The following RFX2 variants were observed in gnomAD, a reference collection of about 807,000 sequenced individuals.
The protein encoded by RFX2 is DNA-binding protein RFX2.
Under a neutral mutation model 87.8 loss-of-function variants are expected in RFX2, and 20 were observed. The ratio of observed to expected loss-of-function variants is 0.23; its 90% CI spans 0.16 to 0.33. The LOEUF is 0.33. Among genes scored for constraint, RFX2 ranks in the 10% least tolerant of loss-of-function variants. RFX2 has a pLI of 1.00. For missense variants in RFX2, 767 were observed against 1,012.3 expected (o/e 0.76, Z 3.29); for synonymous variants, 397 against 431.3 (o/e 0.92, Z 0.98).
In RFX2 at chr19:6,050,481, G is replaced by A. The variant is rs77514081; in HGVS notation, c.-8-2977C>T. ...ACTTAAAGGAAGTTATATACATAAT[G>A]AATGAACATATGGGAATCTCAATCA... On this transcript the variant is annotated intron_variant, in intron 1 of 17. Transcript: ENST00000303657. This position sits in a 1 kb window ranked among gnomAD's most constrained non-coding sequence, Gnocchi z 4.6. Among the ~76,000 whole-genome samples the A allele has an allele frequency of 0.022, 3,285 of 152,258 alleles. 119 individuals carry two copies. The highest frequency in any genetic ancestry group is 0.075 in the African/African-American group (3,107 of 41,550).
At position 6,023,802 on chromosome 19, in the gene RFX2, T is replaced by C. The variant is rs2086851677; in HGVS notation, c.597+2361A>G. 6.6e-6 allele frequency among the ~76,000 whole-genome samples: 1 copy of C among 151,798 alleles called. No individual in the cohort carries two copies. Among genetic ancestry groups the C allele is most frequent in the South Asian group, 2.1e-4 (1 of 4,812 alleles). ...CATTTTTTCTTTTTTTTTTTTGAGATGGAGTCTCGCTCTGTCTCCCAGGCT... is the reference window on the plus strand; with the variant it reads ...CATTTTTTCTTTTTTTTTTTTGAGACGGAGTCTCGCTCTGTCTCCCAGGCT... On this transcript the variant is annotated intron_variant, in intron 6 of 17. Transcript: ENST00000303657. The surrounding 1 kb of genome is among the most constrained non-coding windows in gnomAD (Gnocchi z 4.9).
rs79150387 is a variant in RFX2 at position 6,083,562 on chromosome 19, T to A, written c.-9+26831A>T. Among the ~76,000 whole-genome samples the A allele has an allele frequency of 8.7e-5, 13 of 148,956 alleles. No individual in the cohort carries two copies. Among genetic ancestry groups the A allele is most frequent in the East Asian group, 2.0e-4 (1 of 5,048 alleles). On this transcript the variant is annotated intron_variant, in intron 1 of 17. Transcript: ENST00000303657. This position sits in a 1 kb window ranked among gnomAD's most constrained non-coding sequence, Gnocchi z 4.6. The stretch of plus-strand genomic sequence containing the variant: ...TCTGCTGACCCGTTTTTTTTTTTTT[T>A]AATTTTTATTCATTTATTTATTTAT...
chr19:6,107,815 G>A (rs1446252286), intron 1 of RFX2, among the ~76,000 whole-genome samples: 3 of 151,998 alleles, frequency 2.0e-5, no homozygotes, highest in Non-Finnish European at 4.4e-5. Context: ...ACCATCCTTA[G>A]CAGTACTTCA....
In RFX2 at chr19:6,063,154, C is replaced by T. The variant is rs1486803560; in HGVS notation, c.-8-15650G>A. On this transcript the variant is annotated intron_variant, in intron 1 of 17. Transcript: ENST00000303657. This position sits in a 1 kb window ranked among gnomAD's most constrained non-coding sequence, Gnocchi z 4.0. ...GTTTGAAACTCTCCCCTGGCGCCTG[C>T]TCTGTGGGGAAAGCCGGGCTTCCTC... 6.6e-6 allele frequency among the ~76,000 whole-genome samples: 1 copy of T among 152,162 alleles called. No individual in the cohort carries two copies. The highest frequency in any genetic ancestry group is 2.4e-5 in the African/African-American group (1 of 41,432).
At position 6,051,919 on chromosome 19, in the gene RFX2, C is replaced by T. The variant is rs575468785; in HGVS notation, c.-8-4415G>A. On this transcript the variant is annotated intron_variant, in intron 1 of 17. Transcript: ENST00000303657. The stretch of plus-strand genomic sequence containing the variant: ...TTGAGATGGAGTCTCGCTCTGTTGC[C>T]CAGGCTGGAGTGCAGTGCCACAGTC... 4.3e-4 allele frequency among the ~76,000 whole-genome samples: 65 copies of T among 152,062 alleles called. 1 individual carries two copies. The South Asian group carries it at 0.013, about 30-fold the overall frequency.
rs1329257184 is a variant in RFX2, at chr19:6,023,976, C to T, written c.597+2187G>A. 6.6e-6 allele frequency among the ~76,000 whole-genome samples: 1 copy of T among 152,108 alleles called. No individual in the cohort carries two copies. Among genetic ancestry groups the T allele is most frequent in the Admixed American group, 6.5e-5 (1 of 15,276 alleles). On this transcript the variant is annotated intron_variant, in intron 6 of 17. Coordinates refer to ENST00000303657, the MANE Select transcript of RFX2 (RefSeq NM_000635.4). This position sits in a 1 kb window ranked among gnomAD's most constrained non-coding sequence, Gnocchi z 4.9. ...TGTATTTTTGGTAGAGATGGGGTTTCGTCATGTTGGTCAGGCTGGTCTGGA... is the reference window on the plus strand; with the variant it reads ...TGTATTTTTGGTAGAGATGGGGTTTTGTCATGTTGGTCAGGCTGGTCTGGA...
rs1435971617 is a variant in RFX2, at chr19:6,093,667, AG to A, written c.-9+16725del. Among the ~76,000 whole-genome samples, 23 of 152,152 alleles carry A rather than the reference AG, an allele frequency of 1.5e-4. 1 individual carries two copies. The highest frequency in any genetic ancestry group is 1.2e-3 in the Admixed American group (18 of 15,272). ...TAAGGAAAGATACAGGCTAAATATT[AG>A]GTAAAAGAGCAGGTGGCAGAAAAGT... On this transcript the variant is annotated intron_variant, in intron 1 of 17. Transcript: ENST00000303657.
chr19:6,032,396 C>T (rs561928054), intron 5 of RFX2, among the ~76,000 whole-genome samples: 6 of 152,300 alleles, frequency 3.9e-5, no homozygotes, highest in African/African-American at 1.4e-4. Context: ...TCCCAAAGTG[C>T]TGGGATTACA....
chr19:5,999,666 G>A lies in RFX2; in HGVS notation c.1859+2149C>T, dbSNP rs1384482031. On this transcript the variant is annotated intron_variant, in intron 15 of 17. Coordinates refer to ENST00000303657, the MANE Select transcript of RFX2 (RefSeq NM_000635.4). This position sits in a 1 kb window ranked among gnomAD's most constrained non-coding sequence, Gnocchi z 4.1. ...AAACAGAAGTGAGGTCCCGGCACTC[G>A]GGTAGCGTGCCTGATCATGCAGGAG... is the stretch of plus-strand genomic sequence containing the variant. Among the ~76,000 whole-genome samples the A allele has an allele frequency of 1.3e-5, 2 of 152,114 alleles. No homozygotes were observed. The highest frequency in any genetic ancestry group is 1.3e-4 in the Admixed American group (2 of 15,266).
At chr19:5,995,735 G>T in intron 16 of RFX2, 92 bp from the exon 17 acceptor site, 1 of 1,110,740 alleles carries the variant, frequency 9.0e-7, no homozygotes, top group Non-Finnish European at 1.3e-6. Flanking sequence ...CTTGCCTTGA[G>T]CCACGTCCTC....
At chr19:6,070,733 G>T (rs2087595426) in intron 1 of RFX2, among the ~76,000 whole-genome samples, 1 of 152,142 alleles carries the variant, frequency 6.6e-6, no homozygotes, top group African/African-American at 2.4e-5. Context: ...ACAGGGTCTT[G>T]CTCTGTCACC....
intron 16 of RFX2, among the ~76,000 whole-genome samples, chr19:5,996,821 A>G (rs945581847): frequency 6.6e-6 from 1 of 152,282 alleles, no homozygotes; most frequent in Non-Finnish European, 1.5e-5. Flanking sequence ...GAACTTGGAC[A>G]GAGCCCCAAA....
rs150725902 is a variant in RFX2 at position 6,088,667 on chromosome 19, A to G, written c.-9+21726T>C. 5.9e-5 allele frequency among the ~76,000 whole-genome samples: 9 copies of G among 152,324 alleles called. No individual in the cohort carries two copies. In the East Asian group the frequency reaches 1.7e-3, roughly 29 times the overall value. On this transcript the variant is annotated intron_variant, in intron 1 of 17. Coordinates refer to ENST00000303657, the MANE Select transcript of RFX2 (RefSeq NM_000635.4). The stretch of plus-strand genomic sequence containing the variant: ...CCTCTCTCTCTTAGAGAAAGCAAAA[A>G]TATGTTAAACACCATTGAAGAGCCT...
At chr19:6,098,643 C>T (rs980173880) in intron 1 of RFX2, among the ~76,000 whole-genome samples, 1 of 151,590 alleles carries the variant, frequency 6.6e-6, no homozygotes, top group Non-Finnish European at 1.5e-5. Context: ...TTAACACCCA[C>T]GAGAGACTTT....
In RFX2 at chr19:6,100,491, G is replaced by A. The variant is rs552170594; in HGVS notation, c.-9+9902C>T. Among the ~76,000 whole-genome samples the A allele has an allele frequency of 4.3e-4, 66 of 152,284 alleles. 1 individual carries two copies. Among genetic ancestry groups the A allele is most frequent in the African/African-American group, 1.5e-3 (63 of 41,554 alleles). ...AAGTGATTAGGCAGGAGGCTTTGGC[G>A]GCGACCGGAAGGCTGGAGAATTATT... is the stretch of plus-strand genomic sequence containing the variant. On this transcript the variant is annotated intron_variant, in intron 1 of 17. Transcript: ENST00000303657.
chr19:6,084,664 C>T (rs911099239), intron 1 of RFX2, among the ~76,000 whole-genome samples: 8 of 130,660 alleles, frequency 6.1e-5, no homozygotes, highest in African/African-American at 2.8e-4. Flanking sequence ...GACAGAATCT[C>T]GCTCTTGTTG....
rs2087200509 is a variant in RFX2, at chr19:6,047,051, C to T, written c.90+356G>A. 6.6e-6 allele frequency among the ~76,000 whole-genome samples: 1 copy of T among 151,940 alleles called. No individual in the cohort carries two copies. The highest frequency in any genetic ancestry group is 6.6e-5 in the Admixed American group (1 of 15,248). Reference sequence around the variant, plus strand: ...AAAGTGCTGGGATTACCTGTGTGAGCCACTGCACCCGGCCTTACTTCTTAA... The same window carrying T: ...AAAGTGCTGGGATTACCTGTGTGAGTCACTGCACCCGGCCTTACTTCTTAA... On this transcript the variant is annotated intron_variant, in intron 2 of 17. Transcript: ENST00000303657. This position sits in a 1 kb window ranked among gnomAD's most constrained non-coding sequence, Gnocchi z 4.2.
chr19:6,103,534 C>T (rs1339646807), intron 1 of RFX2, among the ~76,000 whole-genome samples: 1 of 152,108 alleles, frequency 6.6e-6, no homozygotes, highest in Non-Finnish European at 1.5e-5. Context: ...CATCCAAGAG[C>T]CAGTGATAAC....
intron 1 of RFX2, chr19:6,049,233 G>A (rs1354505274): frequency 6.6e-6 from 1 of 151,572 alleles, no homozygotes; most frequent in Non-Finnish European, 1.5e-5. Context: ...GTTCCCGTCT[G>A]AAGCCAAGCG....
Sources: allele counts gnomAD v4.1 joint callset (sites outside exome capture counted in the v4.1 genomes callset), GRCh38; gene constraint gnomAD v4.1.1; non-coding constraint Gnocchi (gnomAD v3.1); transcripts MANE v1.5; gene names NCBI Gene and HGNC (gene_info 2026-07-23, HGNC 2026-07-21).